The following PLB1 variants were observed in gnomAD, a reference collection of about 807,000 sequenced individuals.
PLB1 encodes phospholipase B1, membrane-associated.
Under a neutral mutation model 227.4 loss-of-function variants are expected in PLB1, and 242 were observed. The observed-to-expected ratio is 1.06, with a 90% CI of 0.96 to 1.18. The LOEUF is 1.18. PLB1 is among the 50% of genes most tolerant of loss of function. PLB1 has a pLI of 0.00. For synonymous variants in PLB1, 757 were observed against 682.2 expected, an observed-to-expected ratio of 1.11 and a Z score of -1.71; for missense variants, 1,858 against 1,816.3, an observed-to-expected ratio of 1.02 and a Z score of -0.42.
intron 31 of PLB1, among the ~76,000 whole-genome samples, chr2:28,592,427 C>T (rs542662664): frequency 2.6e-5 from 4 of 151,718 alleles, no homozygotes; most frequent in Non-Finnish European, 5.9e-5. Flanking sequence ...TTTTCTTCTT[C>T]TCCCTCCTTC....
In PLB1 at chr2:28,620,996, AG is replaced by A; in HGVS notation, c.3527+20del. The A allele has an allele frequency of 6.3e-7, 1 of 1,589,254 alleles. No homozygotes were observed. The highest frequency in any genetic ancestry group is 8.6e-7 in the Non-Finnish European group (1 of 1,163,928). On this transcript the variant is annotated intron_variant, in intron 49 of 57. Transcript: ENST00000327757. ...AGAGCTAGGTGAGTAGATGCCGTAC[AG>A]GAGGGCGAGTGGAAGGCAAGACTGA...
Position 28,516,700 on chromosome 2 carries a change from A to G in PLB1, c.56-108A>G, listed in dbSNP as rs1038304130. 57 of 968,914 alleles carry G rather than the reference A, an allele frequency of 5.9e-5. 1 individual carries two copies. In the South Asian group the frequency reaches 7.7e-4, roughly 13 times the overall value. The allele number at this position is 968,914 out of a possible 1,614,324, so 60.0% of individuals were successfully genotyped here. A position where few individuals can be genotyped will look rare whatever the true frequency, so the allele number is the denominator to read the frequency against. ...GGGCTTCCCTAACACAGTGGACATTACTGAGCTGGGCACACAGATATGGCT... is the reference window on the plus strand; with the variant it reads ...GGGCTTCCCTAACACAGTGGACATTGCTGAGCTGGGCACACAGATATGGCT... On this transcript the variant is annotated intron_variant, in intron 1 of 57. Coordinates refer to ENST00000327757, the MANE Select transcript of PLB1 (RefSeq NM_153021.5).
chr2:28,578,770 T>C lies in PLB1; in HGVS notation c.1485+612T>C, dbSNP rs554154859. Among the ~76,000 whole-genome samples the C allele has an allele frequency of 3.3e-5, 5 of 152,326 alleles. No individual in the cohort carries two copies. The South Asian group carries it at 8.3e-4, about 25-fold the overall frequency. Reference sequence around the variant, plus strand: ...TAAAAAGGAAGATTAGGATGAGTTATGTTATATATAATTTAATGTACATCA... The same window carrying C: ...TAAAAAGGAAGATTAGGATGAGTTACGTTATATATAATTTAATGTACATCA... On this transcript the variant is annotated intron_variant, in intron 22 of 57. Transcript: ENST00000327757.
At chr2:28,541,250 C>G (rs983526694) in intron 12 of PLB1, among the ~76,000 whole-genome samples, 7 of 152,162 alleles carry the variant, frequency 4.6e-5, no homozygotes, top group African/African-American at 1.4e-4. Flanking sequence ...TCTTAGCAAA[C>G]AGCTCAAAGC....
intron 15 of PLB1, 124 bp from the exon 16 acceptor site, chr2:28,549,886 C>T: frequency 2.9e-6 from 2 of 697,288 alleles, no homozygotes; most frequent in Non-Finnish European, 4.9e-6. Flanking sequence ...ATGGTTTGGT[C>T]CTCACTGGAA....
chr2:28,497,150 CTT>C (rs1666551989), intron 1 of PLB1, among the ~76,000 whole-genome samples: 1 of 152,210 alleles, frequency 6.6e-6, no homozygotes, highest in Admixed American at 6.5e-5. Context: ...CTGTTGAAGT[CTT>C]TTTCCTATTG....
chr2:28,611,260 C>T (rs1216667023), intron 43 of PLB1, among the ~76,000 whole-genome samples: 1 of 152,174 alleles, frequency 6.6e-6, no homozygotes, highest in African/African-American at 2.4e-5. Flanking sequence ...CTTTCCCCAA[C>T]CTGTAGATCT....
At chr2:28,547,743 T>C (rs1673515519) in intron 14 of PLB1, among the ~76,000 whole-genome samples, 1 of 152,146 alleles carries the variant, frequency 6.6e-6, no homozygotes, top group Non-Finnish European at 1.5e-5. Context: ...TCTCCAACAG[T>C]AGGAAATAGC....
Position 28,549,958 on chromosome 2 carries a change from A to G in PLB1, c.1009-52A>G, listed in dbSNP as rs1433789206. On this transcript the variant is annotated intron_variant, in intron 15 of 57. Transcript: ENST00000327757. ...ACTGGATGCTGAAGCCTGATAATTA[A>G]GGGATACAGACTTCTAGGGTCACGA... 4.8e-6 allele frequency: 7 copies of G among 1,468,972 alleles called. No homozygotes were observed. In the Admixed American group the frequency reaches 1.2e-4, roughly 26 times the overall value. 91.0% of individuals were successfully genotyped at this position (1,468,972 alleles called of 1,614,324 possible).
At chr2:28,612,407 C>G (rs1685585048) in intron 43 of PLB1, among the ~76,000 whole-genome samples, 1 of 152,146 alleles carries the variant, frequency 6.6e-6, no homozygotes, top group Non-Finnish European at 1.5e-5. Context: ...CCAGTCAGCT[C>G]TGGCCCCAGT....
At chr2:28,505,010 C>T (rs1186022839) in intron 1 of PLB1, among the ~76,000 whole-genome samples, 1 of 152,154 alleles carries the variant, frequency 6.6e-6, no homozygotes, top group Non-Finnish European at 1.5e-5. Flanking sequence ...TTCTATTGGG[C>T]ACTGGGGATG....
intron 23 of PLB1, among the ~76,000 whole-genome samples, chr2:28,581,222 T>C (rs755081684): frequency 1.3e-5 from 2 of 151,654 alleles, no homozygotes; most frequent in Non-Finnish European, 2.9e-5. Flanking sequence ...TGGCCGGTGT[T>C]TCACAGGACG....
chr2:28,625,084 G>A lies in PLB1; in HGVS notation c.3555G>A (p.Leu1185=), dbSNP rs1480241408. The change falls in exon 50 of 58, where the codon CTG becomes CTA. Residue 1185 remains leucine (L), a synonymous_variant. Transcript: ENST00000327757. Reference sequence around the variant, plus strand: ...ACATGCCAGCCCAGGCCTGGGACCTGGTAGAGCGAATGAAAAACAGCCCCG... The same window carrying A: ...ACATGCCAGCCCAGGCCTGGGACCTAGTAGAGCGAATGAAAAACAGCCCCG... The part of the protein sequence containing the change: ...ARDMPAQAWD[L]VERMKNSPDI... 2.5e-6 allele frequency: 4 copies of A among 1,613,464 alleles called. No individual in the cohort carries two copies. The highest frequency in any genetic ancestry group is 2.7e-5 in the African/African-American group (2 of 74,910).
chr2:28,514,656 A>G (rs1668641579), intron 1 of PLB1, among the ~76,000 whole-genome samples: 1 of 152,140 alleles, frequency 6.6e-6, no homozygotes, highest in African/African-American at 2.4e-5. Context: ...GGTGAGTAAA[A>G]TCTAAAATAT....
In PLB1 at chr2:28,626,315, G is replaced by C; in HGVS notation, c.3580-113G>C. ...CTGGCCCAATTTGCTGCTTTTCTCT[G>C]TTACAGTATAAATAAGACAAAAGGC... On this transcript the variant is annotated intron_variant, in intron 50 of 57. Coordinates refer to ENST00000327757, the MANE Select transcript of PLB1 (RefSeq NM_153021.5). The C allele has an allele frequency of 9.8e-6, 8 of 818,002 alleles. No individual in the cohort carries two copies. The South Asian group carries it at 1.2e-4, about 13-fold the overall frequency. The allele number at this position is 818,002 out of a possible 1,614,324, so 50.7% of individuals were successfully genotyped here.
intron 21 of PLB1, among the ~76,000 whole-genome samples, chr2:28,574,507 C>T (rs558645056): frequency 1.3e-4 from 20 of 151,444 alleles, no homozygotes; most frequent in African/African-American, 4.6e-4. Flanking sequence ...CTCAGCCTCC[C>T]AAGTAGCTGG....
At chr2:28,537,177 G>T (rs1394889545) in intron 9 of PLB1, among the ~76,000 whole-genome samples, 1 of 152,198 alleles carries the variant, frequency 6.6e-6, no homozygotes, top group African/African-American at 2.4e-5. Context: ...AAGGGGCAGA[G>T]AAACAGGGAC....
intron 20 of PLB1, 149 bp downstream of exon 20, chr2:28,566,988 GC>G: frequency 1.5e-6 from 1 of 681,878 alleles, no homozygotes; most frequent in Non-Finnish European, 2.3e-6. Flanking sequence ...CGAGACTGCC[GC>G]CCAGCTCCGC....
At chr2:28,521,412 C>G (rs1440412432) in intron 4 of PLB1, among the ~76,000 whole-genome samples, 1 of 152,176 alleles carries the variant, frequency 6.6e-6, no homozygotes, top group African/African-American at 2.4e-5. Context: ...CACAAGGGTT[C>G]TAATTTCTCC....
Sources: gnomAD v4.1 joint callset for allele counts (sites outside exome capture counted in the v4.1 genomes callset) on GRCh38, gnomAD v4.1.1 for gene constraint, MANE v1.5 for transcripts, NCBI Gene and HGNC (gene_info 2026-07-23, HGNC 2026-07-21) for gene names.